The following MAN1B1 variants were observed in gnomAD, a reference collection of about 807,000 sequenced individuals.
MAN1B1 encodes mannosidase alpha class 1B member 1.
MAN1B1 carries 66 observed loss-of-function variants against 75.5 expected under a neutral mutation model. The ratio of observed to expected loss-of-function variants is 0.87; its 90% CI spans 0.72 to 1.07. The LOEUF is 1.07. Ranked by LOEUF, MAN1B1 falls within the 50% of genes least tolerant of loss-of-function variation. MAN1B1 has a pLI of 0.00. For synonymous variants in MAN1B1, 453 were observed against 382.8 expected (o/e 1.18, Z -2.14); for missense variants, 973 against 912.5 (o/e 1.07, Z -0.85).
chr9:137,099,121 T>C (rs1256203156), intron 5 of MAN1B1, among the ~76,000 whole-genome samples: 3 of 152,266 alleles, frequency 2.0e-5, no homozygotes, highest in Admixed American at 1.3e-4. Flanking sequence ...GGAGCCACCG[T>C]GCCCAGCCAA....
intron 12 of MAN1B1, chr9:137,107,871 G>A (rs1165120789): frequency 7.3e-6 from 5 of 686,982 alleles, no homozygotes; most frequent in Non-Finnish European, 1.3e-5. Flanking sequence ...GGGACCCAGA[G>A]TACTTGGAGG....
chr9:137,107,230 A>G lies in MAN1B1; in HGVS notation c.1567-20A>G. The G allele has an allele frequency of 6.2e-7, 1 of 1,611,268 alleles. No homozygotes were observed. Among genetic ancestry groups the G allele is most frequent in the Non-Finnish European group, 8.5e-7 (1 of 1,178,774 alleles). On this transcript the variant is annotated intron_variant, in intron 10 of 12. Coordinates refer to ENST00000371589, the MANE Select transcript of MAN1B1 (RefSeq NM_016219.5). Reference sequence around the variant, plus strand: ...GGGCAGGGCCTGGGATCTGGGGCTGAAGAGACCCTCTGATTCCAGGACCAC... The same window carrying G: ...GGGCAGGGCCTGGGATCTGGGGCTGGAGAGACCCTCTGATTCCAGGACCAC...
At chr9:137,103,510 G>C in intron 8 of MAN1B1, 1 of 439,948 alleles carries the variant, frequency 2.3e-6, no homozygotes, top group Non-Finnish European at 4.6e-6. Context: ...GCTATTGCAG[G>C]CGTGCAGGCC....
intron 3 of MAN1B1, among the ~76,000 whole-genome samples, chr9:137,095,027 A>C (rs568478221): frequency 7.4e-5 from 11 of 148,818 alleles, no homozygotes; most frequent in Middle Eastern, 3.6e-3. Context: ...ATTTCTACTA[A>C]AGATACAAAA....
At chr9:137,107,819 G>A in intron 12 of MAN1B1, 157 bp downstream of exon 12, 1 of 966,236 alleles carries the variant, frequency 1.0e-6, no homozygotes, top group Non-Finnish European at 1.6e-6. Context: ...ACTGCAGCTT[G>A]GGGGCCCTGG....
At chr9:137,098,352 C>A (rs1830713477) in intron 5 of MAN1B1, among the ~76,000 whole-genome samples, 1 of 152,216 alleles carries the variant, frequency 6.6e-6, no homozygotes, top group Non-Finnish European at 1.5e-5. Context: ...AGGCCTCTTT[C>A]AACCTCATGA....
intron 5 of MAN1B1, among the ~76,000 whole-genome samples, chr9:137,099,314 C>T (rs1478566739): frequency 6.6e-6 from 1 of 152,290 alleles, no homozygotes; most frequent in Non-Finnish European, 1.5e-5. Context: ...TCTCCACAGG[C>T]TGTGCTCACT....
chr9:137,101,784 A>G (rs1830821102), intron 8 of MAN1B1, 112 bp downstream of exon 8: 2 of 1,300,826 alleles, frequency 1.5e-6, no homozygotes, highest in East Asian at 2.5e-5. Context: ...CAGGTTTTTT[A>G]CTGTGATAAA....
chr9:137,105,702 C>T (rs561058440), intron 8 of MAN1B1: 8 of 350,654 alleles, frequency 2.3e-5, no homozygotes, highest in Admixed American at 1.2e-4. Flanking sequence ...GGGCGTGGAG[C>T]CGAGGCGTTT....
Position 137,106,334 on chromosome 9 carries a change from C to T in MAN1B1, c.1445+19C>T, listed in dbSNP as rs374413288. 166 of 1,541,664 alleles carry T rather than the reference C, an allele frequency of 1.1e-4. 1 individual carries two copies. Among genetic ancestry groups the T allele is most frequent in the East Asian group, 7.8e-4 (32 of 40,790 alleles). On this transcript the variant is annotated intron_variant, in intron 9 of 12. Transcript: ENST00000371589. Reference sequence around the variant, plus strand: ...AGACACAGTGAGGCCCGGCCCGCTGCCCCCAGCTCCCGCGGCTCCCCCGTT... The same window carrying T: ...AGACACAGTGAGGCCCGGCCCGCTGTCCCCAGCTCCCGCGGCTCCCCCGTT...
In MAN1B1 at chr9:137,108,451, G is replaced by A. The variant is rs767423388; in HGVS notation, c.1960G>A (p.Asp654Asn). Residue 654 changes from aspartate to asparagine, a missense_variant, in exon 13 of 13, where the codon GAC (aspartate) becomes AAC (asparagine). By Grantham distance (23) the Asp-to-Asn change is conservative. Coordinates refer to ENST00000371589, the MANE Select transcript of MAN1B1 (RefSeq NM_016219.5). ...GGATCCTCAGAAGCCCGAGCCTAGG[G>A]ACAAGATGGAGAGCTTCTTCCTGGG... ...VQDPQKPEPR[D>N]KMESFFLGET... The A allele has an allele frequency of 5.6e-6, 9 of 1,613,860 alleles. No individual in the cohort carries two copies. The highest frequency in any genetic ancestry group is 1.7e-5 in the Admixed American group (1 of 60,012).
intron 12 of MAN1B1, chr9:137,107,893 C>T (rs1382152489): frequency 1.5e-6 from 1 of 660,012 alleles, no homozygotes; most frequent in East Asian, 2.7e-5. Flanking sequence ...GCTGGGCACC[C>T]CTCATTTTCA....
intron 6 of MAN1B1, among the ~76,000 whole-genome samples, chr9:137,100,160 T>C (rs1254217298): frequency 6.6e-6 from 1 of 152,214 alleles, no homozygotes; most frequent in Non-Finnish European, 1.5e-5. Flanking sequence ...GTGCTTCTCT[T>C]GCAGCTGGGG....
chr9:137,101,262 G>A (rs1830802502), intron 7 of MAN1B1, 109 bp downstream of exon 7: 1 of 1,414,482 alleles, frequency 7.1e-7, no homozygotes, highest in African/African-American at 1.4e-5. Flanking sequence ...CTCTTCAAAT[G>A]CACTGGAGTC....
intron 8 of MAN1B1, chr9:137,102,126 C>CGT (rs1830841241): frequency 2.3e-6 from 1 of 436,448 alleles, no homozygotes; most frequent in African/African-American, 2.2e-5. Context: ...GTTACATTCA[C>CGT]GCTGTTGCAG....
At chr9:137,099,553 C>A in intron 5 of MAN1B1, 143 bp from the exon 6 acceptor site, 1 of 865,122 alleles carries the variant, frequency 1.2e-6, no homozygotes, top group South Asian at 1.4e-5. Context: ...CTTTGCTGTG[C>A]CCACCACCGC....
chr9:137,108,370 G>A lies in MAN1B1; in HGVS notation c.1897-18G>A, dbSNP rs760922049. On this transcript the variant is annotated intron_variant, in intron 12 of 12. Coordinates refer to ENST00000371589, the MANE Select transcript of MAN1B1 (RefSeq NM_016219.5). ...AGGGTGCCCCCCGTGTGGTGACGAG[G>A]CCCTGGCTGCTGCACAGGTCCCCTC... The A allele has an allele frequency of 8.1e-6, 13 of 1,611,138 alleles. No individual in the cohort carries two copies. In the South Asian group the frequency reaches 1.1e-4, roughly 14 times the overall value.
chr9:137,093,347 A>C (rs746318935), intron 3 of MAN1B1, among the ~76,000 whole-genome samples: 2 of 152,234 alleles, frequency 1.3e-5, no homozygotes, highest in African/African-American at 2.4e-5. Context: ...GCACCACTGC[A>C]TTCCAGCCTG....
Position 137,088,060 on chromosome 9 carries a change from C to T in MAN1B1, c.220-15C>T, listed in dbSNP as rs1830421773. 2 of 1,593,324 alleles carry T rather than the reference C, an allele frequency of 1.3e-6. No individual in the cohort carries two copies. Among genetic ancestry groups the T allele is most frequent in the Admixed American group, 1.7e-5 (1 of 60,004 alleles). ...TATATTCAGTAAGAAATGTCATTCT[C>T]TGTACCTCCCTTAGAAATGGAAGCA... is the stretch of plus-strand genomic sequence containing the variant. On this transcript the variant is annotated splice_polypyrimidine_tract_variant and intron_variant, in intron 1 of 12. Coordinates refer to ENST00000371589, the MANE Select transcript of MAN1B1 (RefSeq NM_016219.5).
Sources: gnomAD v4.1 joint callset for allele counts (sites outside exome capture counted in the v4.1 genomes callset) on GRCh38, gnomAD v4.1.1 for gene constraint, MANE v1.5 for transcripts, NCBI Gene and HGNC (gene_info 2026-07-23, HGNC 2026-07-21) for gene names.